Variants in PCSK2 observed in about 807,000 individuals in gnomAD.
The protein encoded by PCSK2 is proprotein convertase subtilisin/kexin type 2, also known as neuroendocrine convertase 2.
PCSK2 carries 14 observed loss-of-function variants against 69.7 expected under a neutral mutation model. The ratio of observed to expected loss-of-function variants is 0.20; its 90% CI spans 0.13 to 0.31. The LOEUF (loss-of-function observed/expected upper bound fraction) is 0.31. Among genes scored for constraint, PCSK2 ranks in the 10% least tolerant of loss-of-function variants. The pLI, the probability that PCSK2 is intolerant of heterozygous loss-of-function variation, is 1.00. For synonymous variants in PCSK2, 307 were observed against 320.7 expected (o/e 0.96, Z 0.46); for missense variants, 544 against 842.5 (o/e 0.65, Z 4.39).
At chr20:17,227,860 G>T (rs1432411080) in intron 1 of PCSK2, among the ~76,000 whole-genome samples, 1 of 152,128 alleles carries the variant, frequency 6.6e-6, no homozygotes, top group Non-Finnish European at 1.5e-5. Flanking sequence ...GGCCAGGGAA[G>T]TCTCCCCCAC....
chr20:17,289,127 C>T (rs1291881809), intron 2 of PCSK2, among the ~76,000 whole-genome samples: 1 of 152,164 alleles, frequency 6.6e-6, no homozygotes, highest in Non-Finnish European at 1.5e-5. Context: ...GATCAAATAT[C>T]TTATCATTTT....
intron 2 of PCSK2, among the ~76,000 whole-genome samples, chr20:17,270,444 A>G (rs932766862): frequency 2.6e-5 from 4 of 152,152 alleles, no homozygotes; most frequent in Non-Finnish European, 4.4e-5. Context: ...GAAATGAGTA[A>G]ACAGCAGTTA....
Position 17,453,898 on chromosome 20 carries a change from TCTTCCACCTTGG to T in PCSK2, c.1053_1064del (p.Leu351_Thr354del). 1 of 1,614,212 alleles carries T rather than the reference TCTTCCACCTTGG, an allele frequency of 6.2e-7. No homozygotes were observed. The highest frequency in any genetic ancestry group is 1.7e-5 in the Admixed American group (1 of 60,030). ...GACTGCCCTGTACGACGAGAGCTGCTCTTCCACCTTGGCTTCCACCTTCAGCAACGGGAGGAA... is the reference window on the plus strand; with the variant it reads ...GACTGCCCTGTACGACGAGAGCTGCTCTTCCACCTTCAGCAACGGGAGGAA... On this transcript the variant is annotated inframe_deletion, in exon 9 of 12. Coordinates refer to ENST00000262545, the MANE Select transcript of PCSK2 (RefSeq NM_002594.5). The surrounding 1 kb of genome is among the most constrained non-coding windows in gnomAD (Gnocchi z 4.0).
chr20:17,400,363 C>T (rs1248261002), intron 5 of PCSK2, among the ~76,000 whole-genome samples: 1 of 152,144 alleles, frequency 6.6e-6, no homozygotes, highest in Non-Finnish European at 1.5e-5. Context: ...TGGTCTAAAT[C>T]CCTGCTCTGC....
intron 8 of PCSK2, among the ~76,000 whole-genome samples, chr20:17,451,026 C>G (rs1480869210): frequency 6.6e-6 from 1 of 152,188 alleles, no homozygotes; most frequent in African/African-American, 2.4e-5. Context: ...ACTGGCCCAT[C>G]TTCCCCAGAA....
intron 4 of PCSK2, among the ~76,000 whole-genome samples, chr20:17,362,992 C>G (rs975540110): frequency 6.6e-5 from 10 of 152,232 alleles, no homozygotes; most frequent in Non-Finnish European, 1.5e-4. Flanking sequence ...TGCATTCTCT[C>G]TCTTAACGAC....
chr20:17,252,626 A>G (rs1987026337), intron 1 of PCSK2, among the ~76,000 whole-genome samples: 1 of 152,304 alleles, frequency 6.6e-6, no homozygotes, highest in African/African-American at 2.4e-5. Context: ...AACCAAGGCA[A>G]TCTGGCTTCA....
intron 5 of PCSK2, 92 bp from the exon 6 acceptor site, chr20:17,409,171 G>T (rs1428702625): frequency 2.5e-5 from 23 of 938,754 alleles, no homozygotes; most frequent in Non-Finnish European, 3.9e-5. Flanking sequence ...CAGCACTCCA[G>T]GGAGGACTAG....
chr20:17,479,170 G>A (rs925323313), intron 11 of PCSK2: 10 of 1,387,392 alleles, frequency 7.2e-6, no homozygotes, highest in Middle Eastern at 1.8e-4. Context: ...ATCAGATGTG[G>A]TATCCCAAAA....
chr20:17,276,098 T>C (rs1158626592), intron 2 of PCSK2, among the ~76,000 whole-genome samples: 1 of 152,220 alleles, frequency 6.6e-6, no homozygotes, highest in Non-Finnish European at 1.5e-5. Flanking sequence ...TACTGATCTC[T>C]GAAACTTGCC....
chr20:17,473,764 A>G (rs2033244601), intron 11 of PCSK2, among the ~76,000 whole-genome samples: 1 of 152,276 alleles, frequency 6.6e-6, no homozygotes, highest in South Asian at 2.1e-4. Flanking sequence ...TGAGGGGAGA[A>G]TGGTGTTCTT....
At chr20:17,400,959 C>A (rs2031623489) in intron 5 of PCSK2, among the ~76,000 whole-genome samples, 1 of 152,014 alleles carries the variant, frequency 6.6e-6, no homozygotes. Flanking sequence ...ACAGTCACTG[C>A]CAGAATGAAT....
intron 2 of PCSK2, among the ~76,000 whole-genome samples, chr20:17,261,350 T>A (rs759025288): frequency 3.3e-5 from 5 of 152,226 alleles, no homozygotes; most frequent in Non-Finnish European, 5.9e-5. Flanking sequence ...AAACTCATTC[T>A]TGTGGGGCTT....
chr20:17,474,357 A>C (rs372631581), intron 11 of PCSK2, among the ~76,000 whole-genome samples: 2 of 152,080 alleles, frequency 1.3e-5, no homozygotes, highest in East Asian at 3.9e-4. Context: ...CCAGTGTCCA[A>C]GGCTTCTAGG....
At chr20:17,446,163 G>T (rs369418059) in intron 8 of PCSK2, among the ~76,000 whole-genome samples, 87 of 152,318 alleles carry the variant, frequency 5.7e-4, no homozygotes, top group African/African-American at 2.0e-3. Context: ...ACAATGGCTG[G>T]ATCCTTTGAG....
intron 1 of PCSK2, among the ~76,000 whole-genome samples, chr20:17,229,037 A>G (rs1301179697): frequency 3.3e-5 from 5 of 151,392 alleles, no homozygotes; most frequent in Admixed American, 2.6e-4. Flanking sequence ...ACTCCCCCCC[A>G]CCCCAAACTT....
At chr20:17,342,651 T>G (rs1049061156) in intron 2 of PCSK2, among the ~76,000 whole-genome samples, 1 of 151,436 alleles carries the variant, frequency 6.6e-6, no homozygotes, top group African/African-American at 2.4e-5. Context: ...TTTTTTTTTT[T>G]GAGACAGGGT....
chr20:17,236,381 A>G (rs966727832), intron 1 of PCSK2, among the ~76,000 whole-genome samples: 1 of 152,112 alleles, frequency 6.6e-6, no homozygotes, highest in African/African-American at 2.4e-5. Flanking sequence ...TTATACATAC[A>G]TGGTAGATAG....
chr20:17,410,964 T>TAC (rs2031858589), intron 6 of PCSK2, among the ~76,000 whole-genome samples: 1 of 152,184 alleles, frequency 6.6e-6, no homozygotes, highest in Non-Finnish European at 1.5e-5. Context: ...ACTAAATTAG[T>TAC]CTTTGATGGA....
Sources: gnomAD v4.1 joint callset for allele counts (sites outside exome capture counted in the v4.1 genomes callset) on GRCh38, gnomAD v4.1.1 for gene constraint, Gnocchi (gnomAD v3.1) non-coding constraint, MANE v1.5 for transcripts, NCBI Gene and HGNC (gene_info 2026-07-23, HGNC 2026-07-21) for gene names.